Variants in CORO1C observed in about 807,000 individuals in gnomAD.
The protein encoded by CORO1C is coronin 1C.
CORO1C carries 14 observed loss-of-function variants against 51.2 expected under a neutral mutation model. The observed-to-expected ratio is 0.27, with a 90% CI of 0.18 to 0.43. The LOEUF (loss-of-function observed/expected upper bound fraction) is 0.43, where lower values mean the gene tolerates loss of function less well. CORO1C is among the 20% of genes least tolerant of loss of function. The probability of loss-of-function intolerance (pLI) is 1.00; values close to 1 mark genes in which losing one functional copy is unlikely to be tolerated. For missense variants in CORO1C, 417 were observed against 607.8 expected (o/e 0.69, Z 3.30); for synonymous variants, 181 against 210.5 (o/e 0.86, Z 1.21).
chr12:108,690,121 A>G (rs968363392), intron 2 of CORO1C, among the ~76,000 whole-genome samples: 5 of 152,228 alleles, frequency 3.3e-5, no homozygotes, highest in African/African-American at 1.2e-4. Flanking sequence ...ACAAGGGGAC[A>G]GCGGCATGGA....
intron 3 of CORO1C, among the ~76,000 whole-genome samples, chr12:108,663,485 ATAT>A (rs1282811553): frequency 1.3e-5 from 2 of 152,236 alleles, no homozygotes; most frequent in Non-Finnish European, 2.9e-5. Context: ...ATACACTGGA[ATAT>A]TATTTGGCCA....
At chr12:108,647,722 C>T (rs1301872462) in intron 10 of CORO1C, among the ~76,000 whole-genome samples, 200 bp from the exon 11 acceptor site, 4 of 152,142 alleles carry the variant, frequency 2.6e-5, no homozygotes, top group African/African-American at 7.2e-5. Flanking sequence ...TCTGAGATCC[C>T]GTGGCAAAAC....
chr12:108,698,615 C>G (rs1161337593), intron 2 of CORO1C, among the ~76,000 whole-genome samples: 1 of 152,222 alleles, frequency 6.6e-6, no homozygotes, highest in Non-Finnish European at 1.5e-5. Flanking sequence ...CCACGTTGTC[C>G]AGGCTGGTCT....
At position 108,658,187 on chromosome 12, in the gene CORO1C, C is replaced by CATTT. The variant is rs377235373; in HGVS notation, c.630+547_630+550dup. ...AGAACTTGTTGCTTTTCGCCCTGCG[C>CATTT]ATTTATTTATTTATTTATTTATTTA... On this transcript the variant is annotated intron_variant, in intron 5 of 10. Transcript: ENST00000261401. The surrounding 1 kb of genome is among the most constrained non-coding windows in gnomAD (Gnocchi z 4.9). 2.9e-3 allele frequency among the ~76,000 whole-genome samples: 441 copies of CATTT among 152,086 alleles called. No homozygotes were observed. Among genetic ancestry groups the CATTT allele is most frequent in the South Asian group, 0.011 (52 of 4,816 alleles).
intron 3 of CORO1C, among the ~76,000 whole-genome samples, chr12:108,662,611 G>C (rs1463919099): frequency 6.6e-6 from 1 of 152,054 alleles, no homozygotes; most frequent in Admixed American, 6.6e-5. Context: ...TCTCCAGTTA[G>C]AAGCATGCAA....
intron 8 of CORO1C, 186 bp from the exon 9 acceptor site, chr12:108,649,206 C>G (rs1006228907): frequency 7.8e-6 from 5 of 644,612 alleles, no homozygotes; most frequent in Non-Finnish European, 1.1e-5. Flanking sequence ...AGAACGGAAG[C>G]TGAGAGTCAC....
chr12:108,682,748 G>T (rs1458391535), intron 2 of CORO1C, among the ~76,000 whole-genome samples: 2 of 152,056 alleles, frequency 1.3e-5, no homozygotes, highest in Non-Finnish European at 2.9e-5. Flanking sequence ...ACATTAATTT[G>T]TTTTAAATTA....
rs138492992 is a variant in CORO1C, at chr12:108,714,241, T to C, written c.-5-12918A>G. The stretch of plus-strand genomic sequence containing the variant: ...CCATCTCTACTAAAAATACAAAAAT[T>C]AGCAGGGCGTGGTGGCGCACAACTG... On this transcript the variant is annotated intron_variant, in intron 1 of 10. Transcript: ENST00000261401. Among the ~76,000 whole-genome samples, 970 of 151,658 alleles carry C rather than the reference T, an allele frequency of 6.4e-3. 6 individuals are homozygous for C. The highest frequency in any genetic ancestry group is 0.01 in the Non-Finnish European group (680 of 67,880).
chr12:108,677,228 C>A (rs1437032403), intron 3 of CORO1C, among the ~76,000 whole-genome samples: 1 of 152,176 alleles, frequency 6.6e-6, no homozygotes, highest in African/African-American at 2.4e-5. Flanking sequence ...TGTGTTTATG[C>A]CTAACCTTTT....
intron 1 of CORO1C, among the ~76,000 whole-genome samples, chr12:108,719,870 C>T (rs895037305): frequency 6.6e-6 from 1 of 152,168 alleles, no homozygotes; most frequent in Non-Finnish European, 1.5e-5. Flanking sequence ...TGGGATGTTA[C>T]TTCATTGACT....
chr12:108,647,439 G>A lies in CORO1C; in HGVS notation c.1389C>T (p.Ser463=). The A allele has an allele frequency of 1.2e-6, 2 of 1,613,452 alleles. No individual in the cohort carries two copies. Among genetic ancestry groups the A allele is most frequent in the Non-Finnish European group, 1.7e-6 (2 of 1,179,580 alleles). The part of the protein sequence containing the change: ...DTICNQDERI[S]KLEQQMAKIA... ...TCTTTGCCATCTGCTGTTCTAACTT[G>A]GAAATACGCTCATCTTGATTGCAGA... Residue 463 remains serine, a synonymous_variant, in exon 11 of 11, where the codon TCC becomes TCT. Transcript: ENST00000261401.
chr12:108,652,200 T>A (rs1181142179), intron 8 of CORO1C, 72 bp downstream of exon 8: 9 of 1,432,142 alleles, frequency 6.3e-6, no homozygotes, highest in East Asian at 4.6e-5. Flanking sequence ...CTGAAGTATA[T>A]GCTAGTCCAA....
chr12:108,704,949 C>A (rs187655186), intron 1 of CORO1C, among the ~76,000 whole-genome samples: 9 of 152,272 alleles, frequency 5.9e-5, no homozygotes, highest in African/African-American at 1.9e-4. Flanking sequence ...TTGAAGTGAT[C>A]ATTAAATGAT....
intron 3 of CORO1C, among the ~76,000 whole-genome samples, chr12:108,673,108 A>G (rs2033777813): frequency 6.6e-6 from 1 of 152,240 alleles, no homozygotes; most frequent in Non-Finnish European, 1.5e-5. Context: ...TTAGTGAGGA[A>G]GCCATGTTGA....
At chr12:108,688,582 T>C (rs1258450996) in intron 2 of CORO1C, among the ~76,000 whole-genome samples, 1 of 152,234 alleles carries the variant, frequency 6.6e-6, no homozygotes, top group Non-Finnish European at 1.5e-5. Flanking sequence ...TATTGGTTTG[T>C]GGTTGAAGAC....
chr12:108,693,080 G>A (rs953955659), intron 2 of CORO1C, among the ~76,000 whole-genome samples: 4 of 151,928 alleles, frequency 2.6e-5, no homozygotes, highest in African/African-American at 9.7e-5. Flanking sequence ...TTACAAGCTT[G>A]AGCCACCGCG....
intron 2 of CORO1C, among the ~76,000 whole-genome samples, chr12:108,694,086 A>G (rs2034587944): frequency 1.3e-5 from 2 of 152,150 alleles, no homozygotes; most frequent in African/African-American, 4.8e-5. Context: ...GTTCGAGACC[A>G]GCCTGGCCAA....
intron 2 of CORO1C, among the ~76,000 whole-genome samples, chr12:108,682,703 C>G (rs2034166024): frequency 6.6e-6 from 1 of 152,124 alleles, no homozygotes; most frequent in Admixed American, 6.5e-5. Context: ...TTGTACCTAA[C>G]ATTTAAAAAT....
Position 108,657,420 on chromosome 12 carries a change from TCTC to T in CORO1C, c.631_633del (p.Glu211del). 6.2e-7 allele frequency: 1 copy of T among 1,612,126 alleles called. No homozygotes were observed. The highest frequency in any genetic ancestry group is 8.5e-7 in the Non-Finnish European group (1 of 1,179,104). On this transcript the variant is annotated inframe_deletion and splice_region_variant, in exon 6 of 11. Transcript: ENST00000261401. ...CTTGCTCCTTCATGTGCTTTCTCCT[TCTC>T]CTGGAGAGCAAAAAGGCACATGCCA...
Sources: gnomAD v4.1 joint callset for allele counts (sites outside exome capture counted in the v4.1 genomes callset) on GRCh38, gnomAD v4.1.1 for gene constraint, Gnocchi (gnomAD v3.1) non-coding constraint, MANE v1.5 for transcripts, NCBI Gene and HGNC (gene_info 2026-07-23, HGNC 2026-07-21) for gene names.